Variants in IQSEC1 observed in about 807,000 individuals in gnomAD.
IQSEC1 encodes the protein IQ motif and SEC7 domain-containing protein 1.
In IQSEC1, 31 loss-of-function variants were observed where a neutral mutation model predicts 91.0. The observed-to-expected ratio is 0.34, with a 90% CI of 0.26 to 0.46. The LOEUF is 0.46. Among genes scored for constraint, IQSEC1 ranks in the 20% least tolerant of loss-of-function variants. The pLI is 1.00. For synonymous variants in IQSEC1, 699 were observed against 662.6 expected, an observed-to-expected ratio of 1.05 and a Z score of -0.84; for missense variants, 1,388 against 1,575.6, an observed-to-expected ratio of 0.88 and a Z score of 2.02.
Position 13,214,047 on chromosome 3 carries a change from G to C in IQSEC1, c.273-49914C>G, listed in dbSNP as rs369157353. ...TCCCCGCCACCCGGCTCCTTCCTCT[G>C]ATAGGCCTGTCCCCTGTGTCCCTGT... On this transcript the variant is annotated intron_variant, in intron 1 of 15. Coordinates refer to the IQSEC1 transcript ENST00000648114. This position sits in a 1 kb window ranked among gnomAD's most constrained non-coding sequence, Gnocchi z 4.5. Among the ~76,000 whole-genome samples the C allele has an allele frequency of 1.8e-4, 28 of 152,228 alleles. 3 individuals are homozygous for C. The highest frequency in any genetic ancestry group is 8.5e-4 in the Admixed American group (13 of 15,304).
At chr3:13,212,960 T>C (rs563676132) in intron 1 of IQSEC1, among the ~76,000 whole-genome samples, 1 of 152,378 alleles carries the variant, frequency 6.6e-6, no homozygotes, top group East Asian at 1.9e-4. Flanking sequence ...AAGTCTCTTA[T>C]CAAATATATG....
intron 12 of IQSEC1, among the ~76,000 whole-genome samples, chr3:12,903,336 G>A (rs1315628391): frequency 6.6e-6 from 1 of 152,022 alleles, no homozygotes; most frequent in East Asian, 1.9e-4. Context: ...CGAGCACTGA[G>A]GGTGAAGAGG....
rs945984886 is a variant in IQSEC1, at chr3:12,900,659, C to A, written c.*324G>T. 1 of 1,258,632 alleles carries A rather than the reference C, an allele frequency of 7.9e-7. No homozygotes were observed. Among genetic ancestry groups the A allele is most frequent in the African/African-American group, 1.5e-5 (1 of 65,678 alleles). The allele number at this position is 1,258,632 out of a possible 1,614,324, so 78.0% of individuals were successfully genotyped here. A position where few individuals can be genotyped will look rare whatever the true frequency, so the allele number is the denominator to read the frequency against. On this transcript the variant is annotated 3_prime_UTR_variant, in exon 14 of 14. Transcript: ENST00000613206. ...TTTCATATGCATGTACATTAGGGCA[C>A]AGGGAGCTGAGAGCTGGAGTGGGGG...
chr3:12,984,337 G>T (rs964235526), intron 1 of IQSEC1, among the ~76,000 whole-genome samples: 3 of 152,148 alleles, frequency 2.0e-5, no homozygotes, highest in Non-Finnish European at 4.4e-5. Context: ...CCACATGTAG[G>T]GCCCCTGAGT....
chr3:13,105,281 T>C (rs1378708013), intron 2 of IQSEC1, among the ~76,000 whole-genome samples: 2 of 151,910 alleles, frequency 1.3e-5, no homozygotes, highest in Admixed American at 1.3e-4. Flanking sequence ...ACTCTCTACT[T>C]CACACCCATC....
intron 1 of IQSEC1, among the ~76,000 whole-genome samples, chr3:13,046,428 C>CG (rs1419716944): frequency 6.6e-6 from 1 of 152,220 alleles, no homozygotes; most frequent in Non-Finnish European, 1.5e-5. Flanking sequence ...GCCACCCCCT[C>CG]GCTCCCTGCA....
chr3:13,167,174 A>C (rs541700840), intron 1 of IQSEC1, among the ~76,000 whole-genome samples: 62 of 152,352 alleles, frequency 4.1e-4, no homozygotes, highest in African/African-American at 1.3e-3. Flanking sequence ...TCGTTCCTGC[A>C]GATGAAGCTG....
Position 13,021,599 on chromosome 3 carries a change from C to T in IQSEC1, c.23+51393G>A, listed in dbSNP as rs906800526. On this transcript the variant is annotated intron_variant, in intron 1 of 13. Coordinates refer to ENST00000613206, the MANE Select transcript of IQSEC1 (RefSeq NM_001134382.3). ...ACCTGGGCAGCCTGGTGTCTGAGTC[C>T]GGGCTGAGCCCTCAGCCACTCAGTG... Among the ~76,000 whole-genome samples, 21 of 152,324 alleles carry T rather than the reference C, an allele frequency of 1.4e-4. 3 individuals carry two copies. Among genetic ancestry groups the T allele is most frequent in the Admixed American group, 1.1e-3 (17 of 15,304 alleles).
At chr3:13,271,986 T>C (rs933210115) in intron 1 of IQSEC1, among the ~76,000 whole-genome samples, 1 of 152,094 alleles carries the variant, frequency 6.6e-6, no homozygotes, top group African/African-American at 2.4e-5. Flanking sequence ...GCAGAAAACA[T>C]TCTTCTTAAG....
intron 1 of IQSEC1, among the ~76,000 whole-genome samples, chr3:13,212,689 T>A (rs1318254751): frequency 6.6e-6 from 1 of 152,242 alleles, no homozygotes; most frequent in African/African-American, 2.4e-5. Flanking sequence ...CTTGTCATTG[T>A]CTGACTTTTT....
At chr3:13,233,449 G>A (rs1163351408) in intron 1 of IQSEC1, among the ~76,000 whole-genome samples, 1 of 152,186 alleles carries the variant, frequency 6.6e-6, no homozygotes, top group Non-Finnish European at 1.5e-5. Flanking sequence ...ACTTGGCTGA[G>A]CCACCCGCTA....
In IQSEC1 at chr3:12,908,647, T is replaced by C. The variant is rs1383453133; in HGVS notation, c.2579-122A>G. The C allele has an allele frequency of 1.8e-5, 20 of 1,096,882 alleles. No individual in the cohort carries two copies. Among genetic ancestry groups the C allele is most frequent in the Non-Finnish European group, 2.6e-5 (20 of 755,570 alleles). The allele number at this position is 1,096,882 out of a possible 1,614,324, so 67.9% of individuals were successfully genotyped here. On this transcript the variant is annotated intron_variant, in intron 11 of 13. Transcript: ENST00000613206. The surrounding 1 kb of genome is among the most constrained non-coding windows in gnomAD (Gnocchi z 4.9). ...ACCATCTGCTTGGAATGGGGAAGGG[T>C]TGTTTCTGGGAAAGAGGGTGTGATG...
chr3:13,080,627 C>T (rs983584125), intron 2 of IQSEC1, among the ~76,000 whole-genome samples: 1 of 152,098 alleles, frequency 6.6e-6, no homozygotes, highest in African/African-American at 2.4e-5. Flanking sequence ...ACAGCAAAAG[C>T]CGCTGCAGGG....
At chr3:12,902,659 AAAAAAAAAACC>A (rs1694465493) in intron 13 of IQSEC1, 103 bp downstream of exon 13, 12 of 89,810 alleles carry the variant, frequency 1.3e-4, no homozygotes, top group South Asian at 7.9e-4. Flanking sequence ...AAAAAACAAC[AAAAAAAAAACC>A]AAAAAAAAAA....
At chr3:13,228,024 C>T (rs1454993703) in intron 1 of IQSEC1, among the ~76,000 whole-genome samples, 2 of 152,130 alleles carry the variant, frequency 1.3e-5, no homozygotes, top group Non-Finnish European at 2.9e-5. Context: ...CTGAGGCCCT[C>T]GGCTGTCCCT....
chr3:13,222,782 G>C (rs1299080437), intron 1 of IQSEC1, among the ~76,000 whole-genome samples: 1 of 152,158 alleles, frequency 6.6e-6, no homozygotes, highest in Non-Finnish European at 1.5e-5. Context: ...ATGAGCTCAG[G>C]ACCCACAAAG....
At chr3:13,198,440 T>C (rs1049021987) in intron 1 of IQSEC1, among the ~76,000 whole-genome samples, 1 of 151,758 alleles carries the variant, frequency 6.6e-6, no homozygotes, top group African/African-American at 2.4e-5. Context: ...CCAACCAGGG[T>C]AGGCGGGGGG....
At chr3:13,176,477 C>T (rs1424607252) in intron 1 of IQSEC1, among the ~76,000 whole-genome samples, 2 of 152,210 alleles carry the variant, frequency 1.3e-5, no homozygotes, top group African/African-American at 2.4e-5. Flanking sequence ...TTTGTGACAG[C>T]ACAGAAAACC....
At position 12,901,370 on chromosome 3, in the gene IQSEC1, C is replaced by G. The variant is rs1223939763; in HGVS notation, c.2958G>C (p.Leu986=). The part of the protein sequence containing the change: ...KRGKPPPQAH[L]PSAPALPPPH... ...GGGGTGGCAGGGCTGGGGCTGAGGG[C>G]AGGTGGGCCTGGGGAGGGGGCTTCC... The change falls in exon 14 of 14, where the codon CTG becomes CTC. Residue 986 remains leucine (L), a synonymous_variant. Transcript: ENST00000613206. 1 of 1,537,086 alleles carries G rather than the reference C, an allele frequency of 6.5e-7. No individual in the cohort carries two copies. The highest frequency in any genetic ancestry group is 2.5e-5 in the East Asian group (1 of 40,578).
Sources: allele counts gnomAD v4.1 joint callset (sites outside exome capture counted in the v4.1 genomes callset), GRCh38; gene constraint gnomAD v4.1.1; non-coding constraint Gnocchi (gnomAD v3.1); transcripts MANE v1.5; gene names NCBI Gene and HGNC (gene_info 2026-07-23, HGNC 2026-07-21).